Variants in ARID1B observed in about 807,000 individuals in gnomAD.
ARID1B encodes the protein AT-rich interaction domain 1B.
Under a neutral mutation model 212.3 loss-of-function variants are expected in ARID1B, and 30 were observed. That is an observed-to-expected ratio of 0.14 (90% CI 0.11 to 0.19). The LOEUF (loss-of-function observed/expected upper bound fraction) is 0.19. Ranked by LOEUF, ARID1B falls within the 10% of genes least tolerant of loss-of-function variation. The probability of loss-of-function intolerance (pLI) is 1.00; values close to 1 mark genes in which losing one functional copy is unlikely to be tolerated. For missense variants in ARID1B, 2,891 were observed against 3,204.0 expected, an observed-to-expected ratio of 0.90 and a Z score of 2.36; for synonymous variants, 1,402 against 1,301.7, an observed-to-expected ratio of 1.08 and a Z score of -1.66.
At chr6:156,973,314 T>C (rs7741858) in intron 4 of ARID1B, among the ~76,000 whole-genome samples, 3,961 of 152,332 alleles carry the variant, frequency 0.026, 167 homozygotes, top group African/African-American at 0.09. Flanking sequence ...TCTTTAGAAC[T>C]GTGCTGGTGT....
chr6:156,843,034 A>G (rs969583958), intron 2 of ARID1B, among the ~76,000 whole-genome samples: 1 of 152,354 alleles, frequency 6.6e-6, no homozygotes, highest in East Asian at 1.9e-4. Context: ...ACACAGCATT[A>G]CATAACCTGG....
intron 4 of ARID1B, among the ~76,000 whole-genome samples, chr6:157,054,822 T>G (rs984843045): frequency 2.4e-4 from 36 of 152,212 alleles, no homozygotes; most frequent in African/African-American, 8.4e-4. Context: ...AACACATAAA[T>G]GTCTATTCAC....
At chr6:157,184,526 A>G (rs754938916) in intron 13 of ARID1B, 91 bp downstream of exon 13, 8 of 1,470,100 alleles carry the variant, frequency 5.4e-6, no homozygotes, top group Non-Finnish European at 7.5e-6. Flanking sequence ...TCAGGCCAAC[A>G]GGGAACTTGG....
Position 156,779,262 on chromosome 6 carries a change from G to T in ARID1B, c.1582G>T (p.Ala528Ser). 1.7e-6 allele frequency: 2 copies of T among 1,146,088 alleles called. No individual in the cohort carries two copies. The highest frequency in any genetic ancestry group is 2.2e-6 in the Non-Finnish European group (2 of 929,370). The allele number at this position is 1,146,088 out of a possible 1,614,324, so 71.0% of individuals were successfully genotyped here. The change falls in exon 1 of 20, where the codon GCG (alanine) becomes TCG (serine). Residue 528 changes from alanine (A) to serine (S), a missense_variant. Around this residue, in one of 7 missense-constraint regions of ARID1B, gnomAD observed 1,643 missense variants for 1,544.0 expected, o/e 1.06. Coordinates refer to ENST00000636930, the MANE Select transcript of ARID1B (RefSeq NM_001374828.1). ...GSYPEYSSPS[A>S]PPPPPSQPQS... Reference sequence around the variant, plus strand: ...CTACCCCGAGTACAGCAGCCCCAGCGCGCCGCCGCCGCCGCCGTCGCAGCC... The same window carrying T: ...CTACCCCGAGTACAGCAGCCCCAGCTCGCCGCCGCCGCCGCCGTCGCAGCC...
intron 2 of ARID1B, among the ~76,000 whole-genome samples, chr6:156,839,749 G>T (rs2128080676): frequency 6.6e-6 from 1 of 152,348 alleles, no homozygotes; most frequent in South Asian, 2.1e-4. Flanking sequence ...TACGCAGCAG[G>T]CCGTGAGAGT....
chr6:156,891,201 T>C (rs1163831903), intron 2 of ARID1B, among the ~76,000 whole-genome samples: 1 of 152,244 alleles, frequency 6.6e-6, no homozygotes, highest in African/African-American at 2.4e-5. Flanking sequence ...CTGTCTCTTA[T>C]GCATGAAAAA....
intron 4 of ARID1B, among the ~76,000 whole-genome samples, chr6:156,971,823 C>A (rs186727650): frequency 6.6e-6 from 1 of 152,154 alleles, no homozygotes; most frequent in Admixed American, 6.5e-5. Context: ...ACGGGCCTAC[C>A]CACGATAATT....
rs1161998838 is a variant in ARID1B, at chr6:157,208,137, A to C, written c.*246A>C. 2.6e-6 allele frequency: 1 copy of C among 379,720 alleles called. No individual in the cohort carries two copies. The highest frequency in any genetic ancestry group is 2.1e-5 in the African/African-American group (1 of 48,208). The allele number at this position is 379,720 out of a possible 1,614,324, so 23.5% of individuals were successfully genotyped here. On this transcript the variant is annotated 3_prime_UTR_variant, in exon 20 of 20. Transcript: ENST00000636930. ...TTTTTTTTCTCTTTTTTTTAACCAAAGTTGCTGTCTAGTGCATTCAAAGGT... is the reference window on the plus strand; with the variant it reads ...TTTTTTTTCTCTTTTTTTTAACCAACGTTGCTGTCTAGTGCATTCAAAGGT...
chr6:156,891,958 G>A (rs745948223), intron 2 of ARID1B, among the ~76,000 whole-genome samples: 1 of 147,452 alleles, frequency 6.8e-6, no homozygotes, highest in Non-Finnish European at 1.5e-5. Flanking sequence ...TGCAGTCTCT[G>A]CCTCTCCGGT....
In ARID1B at chr6:156,932,131, TAAA is replaced by T. The variant is rs372027661; in HGVS notation, c.2137-3323_2137-3321del. On this transcript the variant is annotated intron_variant, in intron 3 of 19. Coordinates refer to ENST00000636930, the MANE Select transcript of ARID1B (RefSeq NM_001374828.1). ...AGCCACAGATCGAGACCTTGTTTCT[TAAA>T]AAAAAAAAAAAGGGGGGGGGCGGGG... 1.1e-4 allele frequency among the ~76,000 whole-genome samples: 5 copies of T among 45,772 alleles called. No homozygotes were observed. In the East Asian group the frequency reaches 2.4e-3, roughly 22 times the overall value. 30.0% of individuals were successfully genotyped at this position (45,772 alleles called of 152,430 possible).
intron 6 of ARID1B, among the ~76,000 whole-genome samples, chr6:157,124,717 G>T (rs1788019672): frequency 6.6e-6 from 1 of 152,012 alleles, no homozygotes; most frequent in African/African-American, 2.4e-5. Context: ...AATAGTATAT[G>T]TAAGTATGTA....
At chr6:156,827,961 A>G (rs377322641) in intron 1 of ARID1B, among the ~76,000 whole-genome samples, 1 of 150,788 alleles carries the variant, frequency 6.6e-6, no homozygotes, top group African/African-American at 2.4e-5. Flanking sequence ...GGGTTTCACC[A>G]TGTTGGTCAG....
At chr6:157,062,993 C>T (rs1402605573) in intron 4 of ARID1B, among the ~76,000 whole-genome samples, 1 of 152,002 alleles carries the variant, frequency 6.6e-6, no homozygotes, top group Admixed American at 6.6e-5. Flanking sequence ...CCGTGAGCCA[C>T]CGTGCCCAGC....
intron 2 of ARID1B, among the ~76,000 whole-genome samples, chr6:156,897,258 CTTCTTCTTATTATTATTATTATTA>C (rs1788536764): frequency 1.1e-5 from 1 of 87,164 alleles, no homozygotes; most frequent in Non-Finnish European, 2.6e-5. Flanking sequence ...TCTTCTTCTT[CTTCTTCTTATTATTATTATTATTA>C]TTATTATTTG....
At chr6:157,033,693 G>A (rs1414584405) in intron 4 of ARID1B, among the ~76,000 whole-genome samples, 1 of 152,158 alleles carries the variant, frequency 6.6e-6, no homozygotes, top group East Asian at 1.9e-4. Flanking sequence ...GGAGAGTGAG[G>A]ACTGTAAATG....
intron 4 of ARID1B, among the ~76,000 whole-genome samples, chr6:157,020,560 G>C (rs1354181612): frequency 6.6e-6 from 1 of 152,114 alleles, no homozygotes; most frequent in East Asian, 1.9e-4. Context: ...GATGCTGTTG[G>C]AGCTATAAAT....
At chr6:157,110,583 T>C in intron 6 of ARID1B, 22 bp downstream of exon 6, 3 of 1,609,876 alleles carry the variant, frequency 1.9e-6, no homozygotes, top group African/African-American at 1.3e-5. Flanking sequence ...GTTCATGTCT[T>C]ACATGCCTAT....
intron 1 of ARID1B, among the ~76,000 whole-genome samples, chr6:156,792,718 A>G (rs1780094054): frequency 6.6e-6 from 1 of 152,202 alleles, no homozygotes; most frequent in Admixed American, 6.5e-5. Context: ...GTGCTTTTGT[A>G]TAGCTTTCAA....
intron 1 of ARID1B, among the ~76,000 whole-genome samples, chr6:156,784,240 C>T (rs367651692): frequency 1.3e-5 from 2 of 152,048 alleles, no homozygotes; most frequent in African/African-American, 2.4e-5. Flanking sequence ...TAGTGCCGCA[C>T]GCTTGCTGTG....
Sources: gnomAD v4.1 joint callset for allele counts (sites outside exome capture counted in the v4.1 genomes callset) on GRCh38, gnomAD v4.1.1 for gene constraint, gnomAD v4.1.1 regional missense constraint, MANE v1.5 for transcripts, NCBI Gene and HGNC (gene_info 2026-07-23, HGNC 2026-07-21) for gene names.